Variants in RARB observed in about 807,000 individuals in gnomAD.
RARB encodes the protein HBV-activated protein.
RARB carries 17 observed loss-of-function variants against 51.9 expected under a neutral mutation model. The observed-to-expected ratio is 0.33, with a 90% confidence interval of 0.22 to 0.49. RARB has a LOEUF of 0.49. RARB is among the 20% of genes least tolerant of loss of function. The pLI is 0.99. For missense variants in RARB, 369 were observed against 550.8 expected (o/e 0.67, Z 3.30); for synonymous variants, 215 against 195.4 (o/e 1.10, Z -0.84).
At chr3:25,370,009 G>C in intron 5 of RARB, among the ~76,000 whole-genome samples, 1 of 152,180 alleles carries the variant, frequency 6.6e-6, no homozygotes, top group East Asian at 1.9e-4. Flanking sequence ...GGAGAACTGA[G>C]TGAAAAGGCA....
At position 25,203,618 on chromosome 3, in the gene RARB, G is replaced by A. The variant is rs1444235295; in HGVS notation, c.178+29043G>A. Among the ~76,000 whole-genome samples the A allele has an allele frequency of 1.1e-4, 16 of 152,274 alleles. No homozygotes were observed. The East Asian group carries it at 2.7e-3, about 26-fold the overall frequency. On this transcript the variant is annotated intron_variant, in intron 5 of 11. Coordinates refer to the RARB transcript ENST00000383772. ...TGCTTCCTTCAGGAGCTCTTGTAGG[G>A]CAGGCCTGGTGGTGACAAAATCTCT...
chr3:24,934,569 T>C (rs535285969), intron 2 of RARB, among the ~76,000 whole-genome samples: 73 of 152,234 alleles, frequency 4.8e-4, no homozygotes, highest in Non-Finnish European at 9.3e-4. Context: ...ATGTCTGTCC[T>C]TTTGTAGTTT....
At chr3:25,171,179 G>T (rs1302260155) in intron 4 of RARB, among the ~76,000 whole-genome samples, 1 of 151,918 alleles carries the variant, frequency 6.6e-6, no homozygotes, top group East Asian at 1.9e-4. Flanking sequence ...TTCTAACCCA[G>T]TCCCTACTTC....
intron 4 of RARB, among the ~76,000 whole-genome samples, chr3:25,163,139 G>A (rs1020914727): frequency 2.6e-5 from 4 of 152,160 alleles, no homozygotes; most frequent in Non-Finnish European, 5.9e-5. Flanking sequence ...TTATGTGTCA[G>A]GATAAGGATT....
intron 2 of RARB, among the ~76,000 whole-genome samples, chr3:24,952,888 GTTTGT>G (rs1695928789): frequency 6.6e-6 from 1 of 151,156 alleles, no homozygotes; most frequent in Non-Finnish European, 1.5e-5. Flanking sequence ...TTTTTTGTTT[GTTTGT>G]TTTGTTTTGT....
intron 5 of RARB, among the ~76,000 whole-genome samples, chr3:25,588,524 A>G (rs1465531881): frequency 6.6e-6 from 1 of 152,188 alleles, no homozygotes; most frequent in Non-Finnish European, 1.5e-5. Context: ...TTGCAGTGTA[A>G]CAAAATACCA....
intron 2 of RARB, among the ~76,000 whole-genome samples, chr3:24,931,170 A>G (rs910028217): frequency 6.6e-6 from 1 of 152,054 alleles, no homozygotes; most frequent in Non-Finnish European, 1.5e-5. Flanking sequence ...AACTGAATGT[A>G]TTCTAGGGAG....
At chr3:25,258,992 A>G (rs1200132567) in intron 5 of RARB, 1 of 980,210 alleles carries the variant, frequency 1.0e-6, no homozygotes, top group Non-Finnish European at 1.2e-6. Flanking sequence ...TTTGCTGGGG[A>G]CAAACCATAG....
rs138847320 is a variant in RARB, at chr3:24,883,526, A to G, written c.-380+24774A>G. The stretch of plus-strand genomic sequence containing the variant: ...AGGAACACTACTGTTTTGACATTCT[A>G]ATTATAAATACATTAGACTTGGTGC... On this transcript the variant is annotated intron_variant, in intron 2 of 11. Coordinates refer to the RARB transcript ENST00000383772. Among the ~76,000 whole-genome samples, 429 of 152,278 alleles carry G rather than the reference A, an allele frequency of 2.8e-3. 3 individuals are homozygous for G. The highest frequency in any genetic ancestry group is 0.01 in the African/African-American group (420 of 41,556).
In RARB at chr3:25,101,675, T is replaced by A. The variant is rs369029816; in HGVS notation, c.-327-30486T>A. ...TTTTTTTTTTTTATTATATTCAGTA[T>A]GCCCTATCCTTGCCATACTTCTTGA... On this transcript the variant is annotated intron_variant, in intron 3 of 11. Transcript: ENST00000383772. Among the ~76,000 whole-genome samples the A allele has an allele frequency of 2.8e-4, 43 of 152,116 alleles. 1 individual carries two copies. In the South Asian group the frequency reaches 8.7e-3, roughly 31 times the overall value.
intron 5 of RARB, among the ~76,000 whole-genome samples, chr3:25,368,759 G>C (rs7623744): frequency 0.39 from 59,181 of 151,946 alleles, 12,001 homozygotes; most frequent in East Asian, 0.75. Flanking sequence ...ATGTTATCCA[G>C]TGCTGGCCTG....
chr3:25,189,738 T>G (rs895589337), intron 5 of RARB, among the ~76,000 whole-genome samples: 2 of 151,830 alleles, frequency 1.3e-5, no homozygotes, highest in Non-Finnish European at 2.9e-5. Context: ...ACACAAAAAT[T>G]AGCCGGCATG....
intron 2 of RARB, among the ~76,000 whole-genome samples, chr3:25,043,092 G>A (rs911305427): frequency 3.3e-5 from 5 of 152,194 alleles, no homozygotes; most frequent in African/African-American, 1.2e-4. Context: ...TGTGTAAAAG[G>A]CTCTTGTAGT....
chr3:25,333,166 G>GA (rs1292321542), intron 5 of RARB, among the ~76,000 whole-genome samples: 3 of 151,956 alleles, frequency 2.0e-5, no homozygotes, highest in Non-Finnish European at 4.4e-5. Flanking sequence ...CACAGAATTG[G>GA]AAAAAACTAC....
intron 5 of RARB, among the ~76,000 whole-genome samples, chr3:25,236,163 A>G (rs930598069): frequency 1.3e-5 from 2 of 152,162 alleles, no homozygotes; most frequent in African/African-American, 4.8e-5. Flanking sequence ...GAATAACTTT[A>G]TAAATATAGC....
At chr3:24,860,882 C>G (rs1338969848) in intron 2 of RARB, among the ~76,000 whole-genome samples, 1 of 152,136 alleles carries the variant, frequency 6.6e-6, no homozygotes, top group Non-Finnish European at 1.5e-5. Context: ...ATACTAATGA[C>G]TTAGTATACA....
At chr3:25,159,639 A>G (rs1700442990) in intron 4 of RARB, among the ~76,000 whole-genome samples, 1 of 152,146 alleles carries the variant, frequency 6.6e-6, no homozygotes, top group Non-Finnish European at 1.5e-5. Flanking sequence ...AGATGAATGA[A>G]GCAAAACAGC....
intron 2 of RARB, among the ~76,000 whole-genome samples, chr3:25,046,872 T>A (rs1260175138): frequency 2.0e-5 from 3 of 152,168 alleles, no homozygotes; most frequent in Non-Finnish European, 4.4e-5. Flanking sequence ...TACACGTGTG[T>A]TGGGAGTGCT....
chr3:24,909,295 A>T (rs1180601217), intron 2 of RARB, among the ~76,000 whole-genome samples: 1 of 152,218 alleles, frequency 6.6e-6, no homozygotes, highest in Non-Finnish European at 1.5e-5. Flanking sequence ...TTGAGCACCT[A>T]CTATATTCTT....
Sources: allele counts gnomAD v4.1 joint callset (sites outside exome capture counted in the v4.1 genomes callset), GRCh38; gene constraint gnomAD v4.1.1; transcripts MANE v1.5; gene names NCBI Gene and HGNC (gene_info 2026-07-23, HGNC 2026-07-21).